Variants in PHF3 observed in about 807,000 individuals in gnomAD.
PHF3 encodes the protein PHD finger protein 3.
In PHF3, 41 loss-of-function variants were observed where a neutral mutation model predicts 178.4. The ratio of observed to expected loss-of-function variants is 0.23; its 90% CI spans 0.18 to 0.30. PHF3 has a LOEUF of 0.30. Ranked by LOEUF, PHF3 falls within the 10% of genes least tolerant of loss-of-function variation. PHF3 has a pLI of 1.00. For synonymous variants in PHF3, 842 were observed against 800.5 expected (o/e 1.05, Z -0.88); for missense variants, 2,346 against 2,398.1 (o/e 0.98, Z 0.45).
intron 6 of PHF3, among the ~76,000 whole-genome samples, chr6:63,696,108 C>G (rs920564549): frequency 2.6e-5 from 4 of 152,154 alleles, no homozygotes; most frequent in Non-Finnish European, 5.9e-5. Context: ...TTGTGGATTT[C>G]AGATTTTCTG....
intron 3 of PHF3, among the ~76,000 whole-genome samples, chr6:63,680,567 A>G (rs924017928): frequency 4.7e-5 from 7 of 148,728 alleles, no homozygotes; most frequent in Non-Finnish European, 5.9e-5. Flanking sequence ...TGTTAGATCA[A>G]TGGTAATTAT....
At chr6:63,703,496 T>G in intron 10 of PHF3, 40 bp from the exon 11 acceptor site, 2 of 1,573,510 alleles carry the variant, frequency 1.3e-6, no homozygotes, top group Non-Finnish European at 1.7e-6. Flanking sequence ...GAGGCCAAAT[T>G]TTATCAGCTA....
chr6:63,694,790 T>C, intron 6 of PHF3, 26 bp downstream of exon 6: 1 of 1,239,258 alleles, frequency 8.1e-7, no homozygotes, highest in Non-Finnish European at 1.1e-6. Flanking sequence ...GAAAAAATTA[T>C]ATACTAATAT....
rs920517571 is a variant in PHF3, at chr6:63,719,683, T to G, written c.*5975T>G. Among the ~76,000 whole-genome samples, 3 of 152,142 alleles carry G rather than the reference T, an allele frequency of 2.0e-5. No individual in the cohort carries two copies. The highest frequency in any genetic ancestry group is 2.9e-5 in the Non-Finnish European group (2 of 67,970). ...TTAGGATAGTAATTTTCCATGGCAT[T>G]GTTTAGAACCTATTTTATGCCCAAT... is the stretch of plus-strand genomic sequence containing the variant. On this transcript the variant is annotated 3_prime_UTR_variant, in exon 16 of 16. Transcript: ENST00000262043.
At chr6:63,655,561 G>T (rs146568180) in intron 2 of PHF3, among the ~76,000 whole-genome samples, 1 of 151,914 alleles carries the variant, frequency 6.6e-6, no homozygotes, top group African/African-American at 2.4e-5. Context: ...CCATGAAACT[G>T]TTATTTCTTT....
intron 2 of PHF3, among the ~76,000 whole-genome samples, chr6:63,654,683 A>G (rs1765157283): frequency 6.6e-6 from 1 of 152,182 alleles, no homozygotes. Flanking sequence ...CTTTATGAAT[A>G]AAAGGGAAAG....
In PHF3 at chr6:63,712,421, A is replaced by G; in HGVS notation, c.4833A>G (p.Ser1611=). ...ATAATTTGCAAGATAACCAGACTTC[A>G]AATAGTTCTCCATGCAGATCTAATG... The part of the protein sequence containing the change: ...QENNLQDNQT[S]NSSPCRSNVG... The change falls in exon 16 of 16, where the codon TCA becomes TCG. Residue 1611 remains serine, a synonymous_variant. Coordinates refer to ENST00000262043, the MANE Select transcript of PHF3 (RefSeq NM_001370348.2). 11 of 1,614,022 alleles carry G rather than the reference A, an allele frequency of 6.8e-6. No homozygotes were observed. The highest frequency in any genetic ancestry group is 9.3e-6 in the Non-Finnish European group (11 of 1,179,944).
intron 9 of PHF3, among the ~76,000 whole-genome samples, 195 bp downstream of exon 9, chr6:63,700,661 G>T (rs1253449205): frequency 6.6e-6 from 1 of 152,010 alleles, no homozygotes; most frequent in African/African-American, 2.4e-5. Context: ...TCAGCTCACT[G>T]CAACCTCTGC....
chr6:63,670,101 G>A (rs1765847163), intron 2 of PHF3, among the ~76,000 whole-genome samples: 1 of 151,892 alleles, frequency 6.6e-6, no homozygotes, highest in Non-Finnish European at 1.5e-5. Flanking sequence ...CCTGAAAAAT[G>A]CTACTAATTG....
chr6:63,725,533 C>G lies in PHF3; in HGVS notation c.*11825C>G, dbSNP rs575895977. ...AAAATTTATGTTTGTATGTGGTTCT[C>G]CTATTTGACATTTTCACAGGGAGAT... On this transcript the variant is annotated 3_prime_UTR_variant, in exon 16 of 16. Transcript: ENST00000262043. 6.6e-6 allele frequency among the ~76,000 whole-genome samples: 1 copy of G among 152,114 alleles called. No homozygotes were observed. The highest frequency in any genetic ancestry group is 2.1e-4 in the South Asian group (1 of 4,812).
At chr6:63,645,203 A>G (rs1361557914) in intron 1 of PHF3, among the ~76,000 whole-genome samples, 3 of 152,034 alleles carry the variant, frequency 2.0e-5, no homozygotes, top group Non-Finnish European at 2.9e-5. Context: ...AAGAGCCCTT[A>G]ATGAGTCAGA....
intron 4 of PHF3, among the ~76,000 whole-genome samples, chr6:63,689,175 C>T (rs760539975): frequency 6.6e-5 from 10 of 152,120 alleles, no homozygotes; most frequent in Non-Finnish European, 1.2e-4. Flanking sequence ...ATTATTTAAT[C>T]CTCTGATTTT....
At position 63,713,075 on chromosome 6, in the gene PHF3, T is replaced by G. The variant is rs1768032357; in HGVS notation, c.5487T>G (p.Phe1829Leu). The G allele has an allele frequency of 6.2e-7, 1 of 1,614,030 alleles. No individual in the cohort carries two copies. Among genetic ancestry groups the G allele is most frequent in the Non-Finnish European group, 8.5e-7 (1 of 1,179,970 alleles). Reference sequence around the variant, plus strand: ...CTAATTTTCCCCCACAAAGCATGTTTGGATTTCCACCACATTTGCCACCTC... The same window carrying G: ...CTAATTTTCCCCCACAAAGCATGTTGGGATTTCCACCACATTTGCCACCTC... ...GPPNFPPQSM[F>L]GFPPHLPPPL... The change falls in exon 16 of 16, where the codon TTT becomes TTG. Residue 1829 changes from phenylalanine (F) to leucine (L), a missense_variant. Physicochemically the swap from Phe to Leu is conservative, Grantham distance 22. Around this residue, in one of 8 missense-constraint regions of PHF3, gnomAD observed 839 missense variants for 806.9 expected, o/e 1.04. Transcript: ENST00000262043.
chr6:63,645,244 G>GTAA (rs1764734991), intron 1 of PHF3, among the ~76,000 whole-genome samples: 2 of 152,108 alleles, frequency 1.3e-5, no homozygotes, highest in Non-Finnish European at 2.9e-5. Flanking sequence ...GTGTGAAAGG[G>GTAA]TAACACTTAC....
At chr6:63,650,071 T>C (rs1454975177) in intron 2 of PHF3, among the ~76,000 whole-genome samples, 2 of 152,236 alleles carry the variant, frequency 1.3e-5, no homozygotes, top group Non-Finnish European at 2.9e-5. Flanking sequence ...TTTCTTAATA[T>C]GGTATATTGA....
chr6:63,694,904 T>G (rs1367101421), intron 6 of PHF3, 140 bp downstream of exon 6: 1 of 414,656 alleles, frequency 2.4e-6, no homozygotes, highest in African/African-American at 2.1e-5. Context: ...ACAAATGGGT[T>G]AGGTGATTGG....
At chr6:63,643,163 G>T (rs573913033) in intron 1 of PHF3, among the ~76,000 whole-genome samples, 2 of 152,026 alleles carry the variant, frequency 1.3e-5, no homozygotes, top group South Asian at 4.1e-4. Flanking sequence ...CTAATCCAGG[G>T]TACCACATTG....
chr6:63,684,187 A>T lies in PHF3; in HGVS notation c.465A>T (p.Leu155Phe). 1 of 1,613,942 alleles carries T rather than the reference A, an allele frequency of 6.2e-7. No homozygotes were observed. Among genetic ancestry groups the T allele is most frequent in the Non-Finnish European group, 8.5e-7 (1 of 1,179,858 alleles). The change falls in exon 4 of 16, where the codon TTA (leucine) becomes TTT (phenylalanine). Residue 155 changes from leucine to phenylalanine, a missense_variant. Physicochemically the swap from Leu to Phe is conservative, Grantham distance 22. Around this residue, in one of 8 missense-constraint regions of PHF3, gnomAD observed 843 missense variants for 795.2 expected, o/e 1.06. Transcript: ENST00000262043. ...CCAAGCGTTCAAATGCAGCACCATTAAGTAACACAAAAAAAGCATCTGGGA... is the reference window on the plus strand; with the variant it reads ...CCAAGCGTTCAAATGCAGCACCATTTAGTAACACAAAAAAAGCATCTGGGA... ...TIAKRSNAAP[L>F]SNTKKASGKT...
At chr6:63,663,623 A>G (rs1008901824) in intron 2 of PHF3, among the ~76,000 whole-genome samples, 8 of 152,112 alleles carry the variant, frequency 5.3e-5, no homozygotes, top group Non-Finnish European at 8.8e-5. Context: ...TTACTGAGTC[A>G]TCATCTTGAC....
Sources: allele counts gnomAD v4.1 joint callset (sites outside exome capture counted in the v4.1 genomes callset), GRCh38; gene constraint gnomAD v4.1.1; regional missense constraint gnomAD v4.1.1; transcripts MANE v1.5; gene names NCBI Gene and HGNC (gene_info 2026-07-23, HGNC 2026-07-21).